The following PTPRM variants were observed in gnomAD, a reference collection of about 807,000 sequenced individuals.
The protein encoded by PTPRM is protein tyrosine phosphatase receptor type M, also known as receptor-type tyrosine-protein phosphatase mu.
A neutral mutation model predicts 186.7 loss-of-function variants in PTPRM; 47 were observed. The ratio of observed to expected loss-of-function variants is 0.25; its 90% confidence interval spans 0.20 to 0.32. The LOEUF (loss-of-function observed/expected upper bound fraction) is 0.32. Ranked by LOEUF, PTPRM falls within the 10% of genes least tolerant of loss-of-function variation. The pLI is 1.00. For synonymous variants in PTPRM, 668 were observed against 674.9 expected, an observed-to-expected ratio of 0.99 and a Z score of 0.16; for missense variants, 1,494 against 1,865.0, an observed-to-expected ratio of 0.80 and a Z score of 3.66.
intron 1 of PTPRM, among the ~76,000 whole-genome samples, chr18:7,586,207 C>T (rs181228851): frequency 2.6e-5 from 4 of 152,284 alleles, no homozygotes; most frequent in East Asian, 1.9e-4. Flanking sequence ...CTTACAATCA[C>T]GCTGCATACA....
intron 13 of PTPRM, among the ~76,000 whole-genome samples, chr18:8,115,875 C>G (rs1022549207): frequency 6.6e-6 from 1 of 152,176 alleles, no homozygotes; most frequent in African/African-American, 2.4e-5. Context: ...GTTAGCTCAA[C>G]AAATATTTCT....
At chr18:7,835,835 CTT>C (rs2046018303) in intron 2 of PTPRM, among the ~76,000 whole-genome samples, 1 of 151,762 alleles carries the variant, frequency 6.6e-6, no homozygotes, top group Non-Finnish European at 1.5e-5. Context: ...TTCTTTGTCT[CTT>C]AAAGTTTTTT....
intron 3 of PTPRM, among the ~76,000 whole-genome samples, chr18:7,890,065 A>T (rs1284933187): frequency 6.6e-6 from 1 of 152,238 alleles, no homozygotes; most frequent in South Asian, 2.1e-4. Flanking sequence ...GAAATTAGTG[A>T]CAATGGGCAT....
chr18:8,041,545 A>G (rs907687847), intron 7 of PTPRM, among the ~76,000 whole-genome samples: 6 of 152,192 alleles, frequency 3.9e-5, no homozygotes, highest in Non-Finnish European at 7.3e-5. Flanking sequence ...ATGTGTAAGC[A>G]ATGTCCTGCA....
At chr18:8,347,853 G>T (rs1272985320) in intron 23 of PTPRM, among the ~76,000 whole-genome samples, 2 of 152,160 alleles carry the variant, frequency 1.3e-5, no homozygotes, top group East Asian at 3.9e-4. Context: ...GGGGACACGG[G>T]TAAGCTCTGA....
At chr18:7,927,011 CTT>C (rs966441759) in intron 5 of PTPRM, among the ~76,000 whole-genome samples, 18 of 127,114 alleles carry the variant, frequency 1.4e-4, no homozygotes, top group African/African-American at 6.9e-4. Flanking sequence ...TAAAGAGTCT[CTT>C]TCTCTCTCTC....
chr18:8,240,816 GAGAGAGAGAGAA>G (rs1261648555), intron 14 of PTPRM, among the ~76,000 whole-genome samples: 2,730 of 39,594 alleles, frequency 0.069, 59 homozygotes, highest in Non-Finnish European at 0.094. Flanking sequence ...GAGAGAGAGA[GAGAGAGAGAGAA>G]AGAAAGAAAG....
intron 7 of PTPRM, among the ~76,000 whole-genome samples, chr18:8,013,928 A>G (rs541459635): frequency 6.6e-6 from 1 of 152,336 alleles, no homozygotes; most frequent in South Asian, 2.1e-4. Context: ...TTTTAGGTAC[A>G]GAGCTCTTTT....
chr18:8,185,296 T>G (rs1474671184), intron 14 of PTPRM, among the ~76,000 whole-genome samples: 1 of 152,214 alleles, frequency 6.6e-6, no homozygotes, highest in Non-Finnish European at 1.5e-5. Flanking sequence ...GGCTGGGTAT[T>G]CTTGCACCCT....
chr18:8,019,147 G>A (rs1182495952), intron 7 of PTPRM, among the ~76,000 whole-genome samples: 2 of 152,162 alleles, frequency 1.3e-5, no homozygotes, highest in Non-Finnish European at 2.9e-5. Context: ...GAAGGACCAC[G>A]TTGAGATTCT....
intron 1 of PTPRM, among the ~76,000 whole-genome samples, chr18:7,594,607 A>G (rs536185195): frequency 2.0e-5 from 3 of 152,210 alleles, no homozygotes; most frequent in Admixed American, 6.5e-5. Flanking sequence ...GCTGTCCTGC[A>G]GAAGGAAATG....
chr18:7,712,727 A>G (rs1038925223), intron 1 of PTPRM, among the ~76,000 whole-genome samples: 4 of 151,970 alleles, frequency 2.6e-5, no homozygotes, highest in Non-Finnish European at 5.9e-5. Flanking sequence ...AAGCATACAC[A>G]AGTATCAATA....
intron 20 of PTPRM, among the ~76,000 whole-genome samples, chr18:8,303,090 G>T (rs2095178180): frequency 6.6e-6 from 1 of 152,110 alleles, no homozygotes; most frequent in South Asian, 2.1e-4. Context: ...AGGGAGCAAG[G>T]AGGGCATAGA....
intron 14 of PTPRM, among the ~76,000 whole-genome samples, chr18:8,195,011 T>C (rs2093757309): frequency 6.6e-6 from 1 of 152,140 alleles, no homozygotes; most frequent in Non-Finnish European, 1.5e-5. Flanking sequence ...GGCAGGACTC[T>C]ACATGCAAAC....
Position 8,384,660 on chromosome 18 carries a change from A to T in PTPRM, c.4018A>T (p.Ile1340Leu). The change falls in exon 30 of 33, where the codon ATA becomes TTA. Residue 1340 changes from isoleucine to leucine, a missense_variant. Ile to Leu is a conservative substitution (Grantham distance 5). Transcript: ENST00000580170. ...CCTGGAAGAGGACATCATCAGCAGG[A>T]TATTCCGCATTTACAATGCCGCCAG... is the stretch of plus-strand genomic sequence containing the variant. ...ADLEEDIISR[I>L]FRIYNAARPQ... is the part of the protein sequence containing the mutation. 1 of 1,614,152 alleles carries T rather than the reference A, an allele frequency of 6.2e-7. No homozygotes were observed. Among genetic ancestry groups the T allele is most frequent in the South Asian group, 1.1e-5 (1 of 91,082 alleles).
intron 2 of PTPRM, among the ~76,000 whole-genome samples, chr18:7,872,101 G>GAT (rs2048009980): frequency 6.6e-6 from 1 of 152,202 alleles, no homozygotes; most frequent in Admixed American, 6.5e-5. Context: ...CGTCATTGGT[G>GAT]ATATAGATGT....
chr18:7,803,992 T>G (rs548201987), intron 2 of PTPRM, among the ~76,000 whole-genome samples: 1 of 152,310 alleles, frequency 6.6e-6, no homozygotes, highest in South Asian at 2.1e-4. Flanking sequence ...TTGATCAATA[T>G]TTGGATGAAG....
At chr18:8,236,114 G>A (rs6506562) in intron 14 of PTPRM, among the ~76,000 whole-genome samples, 60,623 of 151,932 alleles carry the variant, frequency 0.4, 12,469 homozygotes, top group Middle Eastern at 0.56. Flanking sequence ...CTTGAATTCA[G>A]CCATGTCCTT....
At chr18:8,073,701 T>C (rs190589222) in intron 8 of PTPRM, among the ~76,000 whole-genome samples, 3 of 152,206 alleles carry the variant, frequency 2.0e-5, no homozygotes, top group Admixed American at 1.3e-4. Flanking sequence ...GCCCAGGAGA[T>C]TGAGACCAGC....
Sources: allele counts gnomAD v4.1 joint callset (sites outside exome capture counted in the v4.1 genomes callset), GRCh38; gene constraint gnomAD v4.1.1; transcripts MANE v1.5; gene names NCBI Gene and HGNC (gene_info 2026-07-23, HGNC 2026-07-21).